The following TNFSF11 variants were observed in gnomAD, a reference collection of about 807,000 sequenced individuals.
TNFSF11 encodes the protein tumor necrosis factor ligand superfamily member 11.
Under a neutral mutation model 32.2 loss-of-function variants are expected in TNFSF11, and 12 were observed. That is an observed-to-expected ratio of 0.37 (90% CI 0.24 to 0.60). The LOEUF is 0.60. Ranked by LOEUF, TNFSF11 falls within the 20% of genes least tolerant of loss-of-function variation. The pLI, the probability that TNFSF11 is intolerant of heterozygous loss-of-function variation, is 0.66. For missense variants in TNFSF11, 345 were observed against 398.0 expected (o/e 0.87, Z 1.13); for synonymous variants, 172 against 152.1 (o/e 1.13, Z -0.96).
rs544157612 is a variant in TNFSF11 at position 42,606,262 on chromosome 13, G to A, written c.533-235G>A. Among the ~76,000 whole-genome samples, 12 of 152,232 alleles carry A rather than the reference G, an allele frequency of 7.9e-5. No individual in the cohort carries two copies. The South Asian group carries it at 1.7e-3, about 21-fold the overall frequency. On this transcript the variant is annotated intron_variant, in intron 4 of 4. Transcript: ENST00000398795. ...TACTTACCCCTGGTGCACTATAGAC[G>A]CCTTGAGGGCAGGAAAAATGAGTTT...
chr13:42,568,044 C>A (rs572830690), intron 2 of TNFSF11, among the ~76,000 whole-genome samples: 83 of 152,360 alleles, frequency 5.4e-4, no homozygotes, highest in South Asian at 2.3e-3. Context: ...GACCACCAAC[C>A]ATGGACTACT....
chr13:42,583,442 AGG>A (rs66519159), intron 2 of TNFSF11, among the ~76,000 whole-genome samples: 43,320 of 99,130 alleles, frequency 0.44, 9,214 homozygotes, highest in South Asian at 0.57. Flanking sequence ...AAAAAAAGAA[AGG>A]AAGAAAGGAA....
chr13:42,607,616 T>G lies in TNFSF11; in HGVS notation c.*698T>G. 1 of 152,794 alleles carries G rather than the reference T, an allele frequency of 6.5e-6. No homozygotes were observed. Among genetic ancestry groups the G allele is most frequent in the East Asian group, 1.9e-4 (1 of 5,340 alleles). 9.5% of individuals were successfully genotyped at this position (152,794 alleles called of 1,614,324 possible). ...TTTCCTAATATCAAATGCAGTATAT[T>G]TCTTCGTTCTTTTTAAGTTAATAGA... On this transcript the variant is annotated 3_prime_UTR_variant, in exon 5 of 5. Transcript: ENST00000398795.
At chr13:42,567,641 A>T (rs1273474964) in intron 2 of TNFSF11, among the ~76,000 whole-genome samples, 2 of 152,214 alleles carry the variant, frequency 1.3e-5, no homozygotes, top group Admixed American at 1.3e-4. Context: ...ATGGGATGGT[A>T]GGTCAGATGC....
intron 2 of TNFSF11, among the ~76,000 whole-genome samples, chr13:42,590,854 A>G (rs1018674537): frequency 9.9e-5 from 15 of 152,214 alleles, no homozygotes; most frequent in Non-Finnish European, 2.1e-4. Context: ...CTAATTTTCT[A>G]TTCCCAGCAT....
chr13:42,569,300 G>A (rs1322433254), upstream of TNFSF11, among the ~76,000 whole-genome samples: 2 of 152,170 alleles, frequency 1.3e-5, no homozygotes, highest in African/African-American at 4.8e-5. Context: ...TGTAATCCCA[G>A]CACTTTGTGA....
intron 1 of TNFSF11, among the ~76,000 whole-genome samples, chr13:42,579,315 G>A (rs956797144): frequency 2.0e-5 from 3 of 151,712 alleles, no homozygotes; most frequent in African/African-American, 4.8e-5. Flanking sequence ...GGCTAAGGAA[G>A]GAGGATTGCT....
chr13:42,575,838 A>G (rs1376890937), intron 1 of TNFSF11, among the ~76,000 whole-genome samples: 2 of 152,260 alleles, frequency 1.3e-5, no homozygotes, highest in African/African-American at 4.8e-5. Flanking sequence ...TCTATATGAA[A>G]GTGACTAAAC....
intron 2 of TNFSF11, among the ~76,000 whole-genome samples, chr13:42,583,309 G>C (rs539455715): frequency 1.4e-3 from 205 of 151,128 alleles, no homozygotes; most frequent in Non-Finnish European, 2.5e-3. Flanking sequence ...CTGCTCAGGA[G>C]ACTGAGGTGG....
upstream of TNFSF11, among the ~76,000 whole-genome samples, chr13:42,572,490 AGAG>A (rs1162438024): frequency 2.6e-5 from 4 of 152,090 alleles, no homozygotes; most frequent in Non-Finnish European, 5.9e-5. Context: ...ATGAGGAAGA[AGAG>A]GAGGAGGAGG....
chr13:42,584,334 C>T (rs955725910), intron 2 of TNFSF11, among the ~76,000 whole-genome samples: 2 of 152,112 alleles, frequency 1.3e-5, no homozygotes, highest in Non-Finnish European at 2.9e-5. Flanking sequence ...GCATATTGTT[C>T]ATCCTTTTTT....
intron 4 of TNFSF11, among the ~76,000 whole-genome samples, chr13:42,605,856 T>G (rs1351209994): frequency 6.6e-6 from 1 of 152,190 alleles, no homozygotes; most frequent in Non-Finnish European, 1.5e-5. Context: ...TTATGAGAAT[T>G]GAGTTTAGAC....
chr13:42,578,102 A>C (rs181982458), intron 1 of TNFSF11, among the ~76,000 whole-genome samples: 1 of 152,310 alleles, frequency 6.6e-6, no homozygotes, highest in Admixed American at 6.5e-5. Context: ...GGCATGTCTA[A>C]TTTACTGCAA....
rs753589384 is a variant in TNFSF11 at position 42,600,927 on chromosome 13, C to T, written c.478C>T (p.Leu160Phe). Residue 160 changes from leucine to phenylalanine, a missense_variant, in exon 4 of 5, where the codon CTT (leucine) becomes TTT (phenylalanine). Around this residue, in one of 2 missense-constraint regions of TNFSF11, gnomAD observed 148 missense variants for 216.0 expected, o/e 0.69. Transcript: ENST00000398795. ...GTTAGATCTGGCCAAGAGGAGCAAG[C>T]TTGAAGCTCAGCCTTTTGCTCATCT... ...SWLDLAKRSKLEAQPFAHLTI... is the reference protein window; with the variant it reads ...SWLDLAKRSKFEAQPFAHLTI... 1.3e-5 allele frequency: 21 copies of T among 1,614,022 alleles called. No individual in the cohort carries two copies. Among genetic ancestry groups the T allele is most frequent in the Non-Finnish European group, 1.5e-5 (18 of 1,180,004 alleles).
intron 2 of TNFSF11, among the ~76,000 whole-genome samples, chr13:42,596,856 G>A (rs769490603): frequency 3.9e-5 from 6 of 152,314 alleles, no homozygotes; most frequent in Non-Finnish European, 8.8e-5. Flanking sequence ...TCATCTGGGA[G>A]CATCTTTAAA....
intron 2 of TNFSF11, among the ~76,000 whole-genome samples, chr13:42,569,019 A>C (rs1872962750): frequency 6.6e-6 from 1 of 152,114 alleles, no homozygotes; most frequent in Admixed American, 6.5e-5. Context: ...CAAACTAAGA[A>C]GGGATGGTAA....
chr13:42,567,440 C>G (rs946585455), intron 2 of TNFSF11, among the ~76,000 whole-genome samples: 1 of 152,162 alleles, frequency 6.6e-6, no homozygotes, highest in Non-Finnish European at 1.5e-5. Flanking sequence ...TCATACATGA[C>G]CAAGATGTTT....
chr13:42,598,842 A>C (rs1327217518), intron 2 of TNFSF11, among the ~76,000 whole-genome samples: 1 of 152,224 alleles, frequency 6.6e-6, no homozygotes, highest in African/African-American at 2.4e-5. Flanking sequence ...TGTTATCTAT[A>C]AGTCTGTTGT....
intron 4 of TNFSF11, among the ~76,000 whole-genome samples, chr13:42,601,661 A>G (rs1237068944): frequency 6.6e-6 from 1 of 152,210 alleles, no homozygotes; most frequent in Non-Finnish European, 1.5e-5. Flanking sequence ...ATACAGTGAC[A>G]ATTGAACATT....
Sources: allele counts gnomAD v4.1 joint callset (sites outside exome capture counted in the v4.1 genomes callset), GRCh38; gene constraint gnomAD v4.1.1; regional missense constraint gnomAD v4.1.1; transcripts MANE v1.5; gene names NCBI Gene and HGNC (gene_info 2026-07-23, HGNC 2026-07-21).